Variants in ARHGAP15 observed in about 807,000 individuals in gnomAD.
ARHGAP15 encodes the protein Rho GTPase activating protein 15.
A neutral mutation model predicts 63.7 loss-of-function variants in ARHGAP15; 51 were observed. That is an observed-to-expected ratio of 0.80 (90% CI 0.64 to 1.01). ARHGAP15 has a LOEUF of 1.01. Among genes scored for constraint, ARHGAP15 ranks in the 50% least tolerant of loss-of-function variants. ARHGAP15 has a pLI of 0.00. For synonymous variants in ARHGAP15, 191 were observed against 193.8 expected (o/e 0.99, Z 0.12); for missense variants, 560 against 564.6 (o/e 0.99, Z 0.08).
chr2:143,270,304 C>G (rs559125061), intron 6 of ARHGAP15, among the ~76,000 whole-genome samples: 17 of 152,332 alleles, frequency 1.1e-4, no homozygotes, highest in African/African-American at 3.8e-4. Flanking sequence ...TGTTACCACA[C>G]AGTAGTCTTC....
rs1469225475 is a variant in ARHGAP15, at chr2:143,441,061, T to C, written c.703+4019T>C. 2.0e-5 allele frequency among the ~76,000 whole-genome samples: 3 copies of C among 152,096 alleles called. No individual in the cohort carries two copies. In the East Asian group the frequency reaches 5.8e-4, roughly 29 times the overall value. ...GTGTGAGAATTTGAAATTAGACATG[T>C]AAATACTTAGCTCATAGCAGGCACT... On this transcript the variant is annotated intron_variant, in intron 8 of 13. Transcript: ENST00000295095.
intron 1 of ARHGAP15, among the ~76,000 whole-genome samples, chr2:143,135,484 G>C (rs914771720): frequency 6.6e-6 from 1 of 152,094 alleles, no homozygotes; most frequent in Non-Finnish European, 1.5e-5. Context: ...AATGAAAACT[G>C]TTTAGTAGGT....
chr2:143,629,395 A>G (rs1698975402), intron 12 of ARHGAP15, among the ~76,000 whole-genome samples: 1 of 152,146 alleles, frequency 6.6e-6, no homozygotes, highest in Non-Finnish European at 1.5e-5. Context: ...TAACCCACTG[A>G]CTGCAAAGAT....
chr2:143,211,115 A>G (rs1692541684), intron 3 of ARHGAP15, among the ~76,000 whole-genome samples: 1 of 152,060 alleles, frequency 6.6e-6, no homozygotes, highest in South Asian at 2.1e-4. Flanking sequence ...TTCTTAATGG[A>G]TTATGTCCAC....
At chr2:143,280,493 A>G (rs1269273267) in intron 6 of ARHGAP15, among the ~76,000 whole-genome samples, 3 of 152,188 alleles carry the variant, frequency 2.0e-5, no homozygotes, top group East Asian at 1.9e-4. Context: ...TAAGTCAGGT[A>G]TTGGGCCCTG....
At chr2:143,715,232 A>G (rs527622771) in intron 13 of ARHGAP15, among the ~76,000 whole-genome samples, 2 of 152,350 alleles carry the variant, frequency 1.3e-5, no homozygotes, top group Non-Finnish European at 2.9e-5. Context: ...AACCCATCAG[A>G]TCTTGTGAGA....
At chr2:143,176,272 A>G (rs1691006022) in intron 2 of ARHGAP15, among the ~76,000 whole-genome samples, 1 of 152,204 alleles carries the variant, frequency 6.6e-6, no homozygotes, top group South Asian at 2.1e-4. Flanking sequence ...ATTCACCTAT[A>G]TCAATGAAAC....
At chr2:143,476,030 G>A (rs1691800604) in intron 8 of ARHGAP15, among the ~76,000 whole-genome samples, 1 of 152,200 alleles carries the variant, frequency 6.6e-6, no homozygotes, top group Non-Finnish European at 1.5e-5. Context: ...TCATGTGGGT[G>A]AGAAAAATCA....
intron 1 of ARHGAP15, among the ~76,000 whole-genome samples, chr2:143,143,231 TATTAAG>T: frequency 6.6e-6 from 1 of 152,198 alleles, no homozygotes; most frequent in South Asian, 2.1e-4. Flanking sequence ...ATAGCTCCTA[TATTAAG>T]ATTCCTGAAA....
intron 11 of ARHGAP15, among the ~76,000 whole-genome samples, chr2:143,606,169 T>C (rs1698020388): frequency 1.3e-5 from 2 of 151,818 alleles, no homozygotes; most frequent in Admixed American, 1.3e-4. Flanking sequence ...AACACAGGTA[T>C]TGTTTACCAA....
chr2:143,609,181 A>G (rs903050213), intron 11 of ARHGAP15, among the ~76,000 whole-genome samples: 4 of 152,254 alleles, frequency 2.6e-5, no homozygotes. Flanking sequence ...TTAATTCTTA[A>G]TTTGTTTTGT....
intron 12 of ARHGAP15, among the ~76,000 whole-genome samples, chr2:143,661,960 G>T (rs1305873297): frequency 2.0e-5 from 3 of 152,236 alleles, no homozygotes; most frequent in African/African-American, 7.2e-5. Flanking sequence ...AGCAGTCTGA[G>T]ACCAAACTGC....
chr2:143,744,761 G>C (rs1385265535), intron 13 of ARHGAP15, among the ~76,000 whole-genome samples: 2 of 152,192 alleles, frequency 1.3e-5, no homozygotes, highest in Admixed American at 1.3e-4. Flanking sequence ...GTTTTCCTAT[G>C]ATTCTGTCTT....
intron 6 of ARHGAP15, among the ~76,000 whole-genome samples, chr2:143,408,742 G>T (rs552347423): frequency 6.6e-6 from 1 of 151,878 alleles, no homozygotes; most frequent in African/African-American, 2.4e-5. Context: ...TGAAGCATTT[G>T]ATTAGAATGT....
chr2:143,493,684 T>C (rs549026077), intron 9 of ARHGAP15, among the ~76,000 whole-genome samples: 1 of 152,334 alleles, frequency 6.6e-6, no homozygotes, highest in Non-Finnish European at 1.5e-5. Flanking sequence ...CCTTTCAGCC[T>C]CTTTCTCCAA....
intron 13 of ARHGAP15, among the ~76,000 whole-genome samples, chr2:143,752,199 C>A (rs560024969): frequency 6.6e-6 from 1 of 152,266 alleles, no homozygotes; most frequent in South Asian, 2.1e-4. Flanking sequence ...AGTGTCTCAG[C>A]ATCCCCATTA....
chr2:143,596,007 G>A (rs1418798201), intron 11 of ARHGAP15, among the ~76,000 whole-genome samples: 1 of 152,040 alleles, frequency 6.6e-6, no homozygotes, highest in Non-Finnish European at 1.5e-5. Flanking sequence ...TACCATCTTG[G>A]TTTTCTTTAG....
intron 1 of ARHGAP15, among the ~76,000 whole-genome samples, chr2:143,152,637 C>T (rs566307640): frequency 5.9e-5 from 9 of 151,912 alleles, no homozygotes; most frequent in Non-Finnish European, 8.8e-5. Context: ...ATCTTTAAGA[C>T]GAGGTTTTGT....
chr2:143,223,533 G>A (rs551925353), intron 4 of ARHGAP15, among the ~76,000 whole-genome samples: 1 of 152,308 alleles, frequency 6.6e-6, no homozygotes, highest in South Asian at 2.1e-4. Flanking sequence ...ATGATGAAAT[G>A]TGGAGGCACT....
Sources: allele counts gnomAD v4.1 joint callset (sites outside exome capture counted in the v4.1 genomes callset), GRCh38; gene constraint gnomAD v4.1.1; transcripts MANE v1.5; gene names NCBI Gene and HGNC (gene_info 2026-07-23, HGNC 2026-07-21).